PRSS12: variants seen among roughly 807,000 people sequenced by gnomAD.
The protein encoded by PRSS12 is neurotrypsin.
Under a neutral mutation model 104.4 loss-of-function variants are expected in PRSS12, and 85 were observed. The observed-to-expected ratio is 0.81, with a 90% CI of 0.68 to 0.98. The LOEUF (loss-of-function observed/expected upper bound fraction) is 0.98, where lower values mean the gene tolerates loss of function less well. Among genes scored for constraint, PRSS12 ranks in the 50% least tolerant of loss-of-function variants. The pLI is 0.00. For missense variants in PRSS12, 1,141 were observed against 1,139.2 expected, an observed-to-expected ratio of 1.00 and a Z score of -0.02; for synonymous variants, 454 against 425.2, an observed-to-expected ratio of 1.07 and a Z score of -0.83.
chr4:118,352,750 C>T lies in PRSS12; in HGVS notation c.-30G>A, dbSNP rs763929898. The T allele has an allele frequency of 6.2e-7, 1 of 1,611,180 alleles. No homozygotes were observed. Among genetic ancestry groups the T allele is most frequent in the Non-Finnish European group, 8.5e-7 (1 of 1,178,764 alleles). ...CCAGCGCTGCGGGGTCTGGTCCATGCTCCCCAGCTTCTCGGGCTTGGAGCG... is the reference window on the plus strand; with the variant it reads ...CCAGCGCTGCGGGGTCTGGTCCATGTTCCCCAGCTTCTCGGGCTTGGAGCG... On this transcript the variant is annotated 5_prime_UTR_variant, in exon 1 of 13. Transcript: ENST00000296498.
At chr4:118,335,297 T>C (rs1050802311) in intron 3 of PRSS12, among the ~76,000 whole-genome samples, 176 bp downstream of exon 3, 2 of 152,142 alleles carry the variant, frequency 1.3e-5, no homozygotes, top group Non-Finnish European at 2.9e-5. Context: ...CAAATGGAAT[T>C]CAAATTAACA....
At chr4:118,330,694 A>G (rs1723896013) in intron 4 of PRSS12, among the ~76,000 whole-genome samples, 1 of 152,206 alleles carries the variant, frequency 6.6e-6, no homozygotes, top group Admixed American at 6.5e-5. Flanking sequence ...ATGATTACCA[A>G]TAATTAGTTG....
At position 118,318,278 on chromosome 4, in the gene PRSS12, GC is replaced by G. The variant is rs1310096645; in HGVS notation, c.1150+99del. ...TTTTATTTGGTGTATTTATTTGTAT[GC>G]TCATTTGGTAATGTTGAAATTAAGG... On this transcript the variant is annotated intron_variant, in intron 5 of 12. Coordinates refer to ENST00000296498, the MANE Select transcript of PRSS12 (RefSeq NM_003619.4). 9 of 1,121,112 alleles carry G rather than the reference GC, an allele frequency of 8.0e-6. No homozygotes were observed. In the African/African-American group the frequency reaches 1.4e-4, roughly 18 times the overall value. 69.4% of individuals were successfully genotyped at this position (1,121,112 alleles called of 1,614,324 possible).
In PRSS12 at chr4:118,352,510, C is replaced by G. The variant is rs1724540853; in HGVS notation, c.211G>C (p.Ala71Pro). 6.9e-7 allele frequency: 1 copy of G among 1,446,276 alleles called. No individual in the cohort carries two copies. The highest frequency in any genetic ancestry group is 9.1e-7 in the Non-Finnish European group (1 of 1,097,044). 89.6% of individuals were successfully genotyped at this position (1,446,276 alleles called of 1,614,324 possible). Residue 71 changes from alanine to proline, a missense_variant, in exon 1 of 13, where the codon GCG (alanine) becomes CCG (proline). Ala to Pro is a conservative substitution (Grantham distance 27). Transcript: ENST00000296498. ...GCGTGCGGGCGCTGGGCAGGGAGCG[C>G]CCGCGGGGGGCGCGGGAAGCGCGGG... ...PLPRFPRPPR[A>P]LPAQRPHALQ...
intron 12 of PRSS12, 71 bp from the exon 13 acceptor site, chr4:118,282,314 G>T: frequency 6.4e-7 from 1 of 1,572,092 alleles, no homozygotes; most frequent in South Asian, 1.1e-5. Context: ...TACTGAGCAT[G>T]TAATAGTTAT....
chr4:118,348,754 C>A (rs758605596), intron 1 of PRSS12, among the ~76,000 whole-genome samples: 7 of 151,590 alleles, frequency 4.6e-5, no homozygotes, highest in Non-Finnish European at 2.9e-5. Flanking sequence ...CAGGTTCAAG[C>A]GATTCTCCTG....
chr4:118,299,687 A>C (rs1235348512), intron 8 of PRSS12, among the ~76,000 whole-genome samples: 1 of 137,996 alleles, frequency 7.2e-6, no homozygotes, highest in Non-Finnish European at 1.5e-5. Flanking sequence ...TCTCAAAAAT[A>C]ATAAAATAAA....
rs144226873 is a variant in PRSS12 at position 118,332,025 on chromosome 4, G to A, written c.821-159C>T. The stretch of plus-strand genomic sequence containing the variant: ...TACGTATATATATCTAATATATTAT[G>A]GTAATCTTGGCCAATTAAAATATCC... On this transcript the variant is annotated intron_variant, in intron 3 of 12. Transcript: ENST00000296498. 8.7e-3 allele frequency among the ~76,000 whole-genome samples: 1,330 copies of A among 152,146 alleles called. 5 individuals are homozygous for A. The highest frequency in any genetic ancestry group is 0.014 in the Non-Finnish European group (968 of 67,994).
chr4:118,296,389 T>C (rs1052196689), intron 9 of PRSS12, among the ~76,000 whole-genome samples: 4 of 152,142 alleles, frequency 2.6e-5, no homozygotes, highest in Non-Finnish European at 5.9e-5. Flanking sequence ...ATTGAAGTGG[T>C]AAACTATGGT....
intron 8 of PRSS12, among the ~76,000 whole-genome samples, chr4:118,301,356 A>G (rs1743402657): frequency 6.6e-6 from 1 of 152,200 alleles, no homozygotes; most frequent in Non-Finnish European, 1.5e-5. Flanking sequence ...CATGAATTAA[A>G]GTAGAATGGG....
At chr4:118,286,806 G>A (rs1743024827) in intron 11 of PRSS12, among the ~76,000 whole-genome samples, 1 of 152,122 alleles carries the variant, frequency 6.6e-6, no homozygotes, top group Non-Finnish European at 1.5e-5. Flanking sequence ...ATGGGGTTCA[G>A]ATCCACCGTC....
At chr4:118,329,787 G>A (rs111768945) in intron 4 of PRSS12, among the ~76,000 whole-genome samples, 385 of 152,134 alleles carry the variant, frequency 2.5e-3, no homozygotes, top group African/African-American at 9.0e-3. Flanking sequence ...TGAGAAAACT[G>A]CAACTAAGAG....
In PRSS12 at chr4:118,338,211, A is replaced by G. The variant is rs149984120; in HGVS notation, c.606T>C (p.Ser202=). 138 of 1,613,978 alleles carry G rather than the reference A, an allele frequency of 8.6e-5. No individual in the cohort carries two copies. Among genetic ancestry groups the G allele is most frequent in the Non-Finnish European group, 1.1e-4 (132 of 1,179,974 alleles). The change falls in exon 2 of 13, where the codon TCT becomes TCC. Residue 202 remains serine, a synonymous_variant. Coordinates refer to ENST00000296498, the MANE Select transcript of PRSS12 (RefSeq NM_003619.4). ...GCTGGTGACAAATGACTGATGCATC[A>G]GAATCATCCCAGTGGCTGCTACAGA... ...GTVCSSHWDD[S]DASVICHQLQ...
intron 5 of PRSS12, among the ~76,000 whole-genome samples, chr4:118,318,154 T>C (rs185700180): frequency 3.9e-5 from 6 of 152,374 alleles, no homozygotes; most frequent in Admixed American, 2.6e-4. Flanking sequence ...TTTTCTGATC[T>C]AGCTTTACAA....
Position 118,305,120 on chromosome 4 carries a change from TAC to T in PRSS12, c.1631+3314_1631+3315del, listed in dbSNP as rs1251673991. ...TATAATTTATATATATATATATATA[TAC>T]ACACACACACACACATATATATATA... is the stretch of plus-strand genomic sequence containing the variant. On this transcript the variant is annotated intron_variant, in intron 8 of 12. Coordinates refer to ENST00000296498, the MANE Select transcript of PRSS12 (RefSeq NM_003619.4). Among the ~76,000 whole-genome samples the T allele has an allele frequency of 7.8e-3, 1,106 of 141,368 alleles. 10 individuals are homozygous for T. Among genetic ancestry groups the T allele is most frequent in the African/African-American group, 0.027 (1,042 of 38,476 alleles). 92.7% of individuals were successfully genotyped at this position (141,368 alleles called of 152,430 possible). A position where few individuals can be genotyped will look rare whatever the true frequency, so the allele number is the denominator to read the frequency against.
Position 118,325,739 on chromosome 4 carries a change from T to C in PRSS12, c.971+5977A>G, listed in dbSNP as rs527784668. 4.6e-5 allele frequency among the ~76,000 whole-genome samples: 7 copies of C among 152,236 alleles called. No individual in the cohort carries two copies. The East Asian group carries it at 1.2e-3, about 25-fold the overall frequency. On this transcript the variant is annotated intron_variant, in intron 4 of 12. Coordinates refer to ENST00000296498, the MANE Select transcript of PRSS12 (RefSeq NM_003619.4). The stretch of plus-strand genomic sequence containing the variant: ...ATTTGATAAAGCTGTGTGTTCTCTG[T>C]CCTTCATGGAAATTATTTCCATACC...
Position 118,352,630 on chromosome 4 carries a change from G to A in PRSS12, c.91C>T (p.His31Tyr), listed in dbSNP as rs1438791024. The A allele has an allele frequency of 3.7e-6, 6 of 1,612,482 alleles. No homozygotes were observed. Among genetic ancestry groups the A allele is most frequent in the Non-Finnish European group, 5.1e-6 (6 of 1,179,386 alleles). Residue 31 changes from histidine to tyrosine, a missense_variant, in exon 1 of 13, where the codon CAC becomes TAC. Coordinates refer to ENST00000296498, the MANE Select transcript of PRSS12 (RefSeq NM_003619.4). Reference sequence around the variant, plus strand: ...GCAGGGGGCGAATGGCGGTGGCTGTGGTGGAGGGAATCATTGAGGACAGAA... The same window carrying A: ...GCAGGGGGCGAATGGCGGTGGCTGTAGTGGAGGGAATCATTGAGGACAGAA... ...FDSVLNDSLH[H>Y]SHRHSPPAGP...
At chr4:118,291,611 C>T (rs1743129489) in intron 11 of PRSS12, among the ~76,000 whole-genome samples, 1 of 152,080 alleles carries the variant, frequency 6.6e-6, no homozygotes, top group Non-Finnish European at 1.5e-5. Flanking sequence ...CTTCTTAGAG[C>T]ACCATGTCCT....
rs746877243 is a variant in PRSS12, at chr4:118,331,813, G to T, written c.874C>A (p.Arg292=). ...LAGGSSVHEG[R]VELYHAGQWG... ...TGGCCAGCATGGTAGAGCTCCACCC[G>T]GCCTTCATGCACACTGCTGCCTCCA... The change falls in exon 4 of 13, where the codon CGG becomes AGG. Residue 292 remains arginine (R), a synonymous_variant. Coordinates refer to ENST00000296498, the MANE Select transcript of PRSS12 (RefSeq NM_003619.4). 6.2e-7 allele frequency: 1 copy of T among 1,614,122 alleles called. No individual in the cohort carries two copies. The highest frequency in any genetic ancestry group is 1.7e-5 in the Admixed American group (1 of 60,012).
Sources: gnomAD v4.1 joint callset for allele counts (sites outside exome capture counted in the v4.1 genomes callset) on GRCh38, gnomAD v4.1.1 for gene constraint, MANE v1.5 for transcripts, NCBI Gene and HGNC (gene_info 2026-07-23, HGNC 2026-07-21) for gene names.